The following KIAA2012 variants were observed in gnomAD, a reference collection of about 807,000 sequenced individuals.
KIAA2012 encodes the protein KIAA2012.
KIAA2012 carries 125 observed loss-of-function variants against 150.6 expected under a neutral mutation model. The ratio of observed to expected loss-of-function variants is 0.83; its 90% CI spans 0.72 to 0.96. The LOEUF is 0.96. Among genes scored for constraint, KIAA2012 ranks in the 40% least tolerant of loss-of-function variants. KIAA2012 has a pLI of 0.00. For synonymous variants in KIAA2012, 462 were observed against 504.7 expected, an observed-to-expected ratio of 0.92 and a Z score of 1.13; for missense variants, 1,219 against 1,354.9, an observed-to-expected ratio of 0.90 and a Z score of 1.57.
At chr2:202,099,143 A>G (rs1371480381) in intron 5 of KIAA2012, among the ~76,000 whole-genome samples, 1 of 151,772 alleles carries the variant, frequency 6.6e-6, no homozygotes. Context: ...GTGTGCCACC[A>G]TGCCTGGCTA....
At chr2:202,118,814 C>T (rs1429022322) in intron 11 of KIAA2012, among the ~76,000 whole-genome samples, 2 of 152,168 alleles carry the variant, frequency 1.3e-5, no homozygotes, top group Admixed American at 6.5e-5. Flanking sequence ...GGCCTCACAG[C>T]CCACTCTGGA....
At chr2:202,146,483 T>C (rs1320777251) in intron 13 of KIAA2012, among the ~76,000 whole-genome samples, 2 of 151,866 alleles carry the variant, frequency 1.3e-5, no homozygotes, top group Non-Finnish European at 2.9e-5. Flanking sequence ...ATACAAAAAA[T>C]TAGCCAGGTG....
chr2:202,110,210 C>T (rs918753042), intron 10 of KIAA2012, among the ~76,000 whole-genome samples: 20 of 152,298 alleles, frequency 1.3e-4, no homozygotes, highest in African/African-American at 4.8e-4. Context: ...CAGGGCAGAG[C>T]CTGTTCACAG....
rs551698846 is a variant in KIAA2012, at chr2:202,095,848, T to C, written c.686-1587T>C. On this transcript the variant is annotated intron_variant, in intron 4 of 23. Coordinates refer to ENST00000498697, the MANE Select transcript of KIAA2012 (RefSeq NM_001277372.4). ...ACTGTAATCCCAACACTTTGGTAGGTTGAGGCGGGTGGATCACTTGAGGTC... is the reference window on the plus strand; with the variant it reads ...ACTGTAATCCCAACACTTTGGTAGGCTGAGGCGGGTGGATCACTTGAGGTC... 4.6e-5 allele frequency among the ~76,000 whole-genome samples: 7 copies of C among 152,140 alleles called. No individual in the cohort carries two copies. The East Asian group carries it at 9.6e-4, about 21-fold the overall frequency.
intron 19 of KIAA2012, among the ~76,000 whole-genome samples, chr2:202,192,373 C>T (rs1692338064): frequency 6.6e-6 from 1 of 151,958 alleles, no homozygotes; most frequent in Non-Finnish European, 1.5e-5. Context: ...GAACAACCTT[C>T]CATTGGAAAG....
Position 202,180,177 on chromosome 2 carries a change from A to G in KIAA2012, c.2120-4576A>G, listed in dbSNP as rs1180279365. The stretch of plus-strand genomic sequence containing the variant: ...TCCCAGCTATTCGGGAGGCTGAGGC[A>G]GGAGAATCACTTGAACCCGGGAGGC... On this transcript the variant is annotated intron_variant, in intron 15 of 23. Coordinates refer to ENST00000498697, the MANE Select transcript of KIAA2012 (RefSeq NM_001277372.4). Among the ~76,000 whole-genome samples, 4 of 151,650 alleles carry G rather than the reference A, an allele frequency of 2.6e-5. No individual in the cohort carries two copies. The East Asian group carries it at 5.9e-4, about 22-fold the overall frequency.
chr2:202,152,274 A>G (rs1285684978), intron 13 of KIAA2012, among the ~76,000 whole-genome samples: 1 of 152,296 alleles, frequency 6.6e-6, no homozygotes, highest in East Asian at 1.9e-4. Flanking sequence ...CATTCCATCA[A>G]GTTAGAATTG....
intron 8 of KIAA2012, among the ~76,000 whole-genome samples, chr2:202,105,317 T>A (rs1216936052): frequency 6.6e-6 from 1 of 152,022 alleles, no homozygotes; most frequent in Non-Finnish European, 1.5e-5. Context: ...CATGCAAGAA[T>A]CAGGTAACTG....
At chr2:202,125,552 A>G (rs1217975562) in intron 12 of KIAA2012, among the ~76,000 whole-genome samples, 4 of 152,110 alleles carry the variant, frequency 2.6e-5, no homozygotes, top group African/African-American at 9.7e-5. Flanking sequence ...GGGGAAGGAT[A>G]ATTTGCAGGG....
At chr2:202,129,276 G>A (rs563252411) in intron 12 of KIAA2012, among the ~76,000 whole-genome samples, 1 of 149,908 alleles carries the variant, frequency 6.7e-6, no homozygotes, top group African/African-American at 2.5e-5. Context: ...CTGGAGTGCA[G>A]TGGCACAATC....
rs56207993 is a variant in KIAA2012 at position 202,086,167 on chromosome 2, CAAAAAAAAAAA to C, written c.370-4594_370-4584del. 1.7e-4 allele frequency among the ~76,000 whole-genome samples: 15 copies of C among 90,130 alleles called. No homozygotes were observed. In the Admixed American group the frequency reaches 2.0e-3, roughly 12 times the overall value. The allele number at this position is 90,130 out of a possible 152,430, so 59.1% of individuals were successfully genotyped here. A position where few individuals can be genotyped will look rare whatever the true frequency, so the allele number is the denominator to read the frequency against. ...TGGGTGAAAGACCGAAACTCTGTCT[CAAAAAAAAAAA>C]AAAAAAAAGAAAGAAAGAAAAGAAA... On this transcript the variant is annotated intron_variant, in intron 2 of 23. Transcript: ENST00000498697.
intron 11 of KIAA2012, chr2:202,113,738 C>T (rs1162388341): frequency 3.2e-6 from 1 of 312,390 alleles, no homozygotes; most frequent in Non-Finnish European, 6.0e-6. Flanking sequence ...TGATAAAGTC[C>T]TTTTGGTATT....
At chr2:202,165,882 G>T (rs1407014686) in intron 15 of KIAA2012, among the ~76,000 whole-genome samples, 2 of 152,166 alleles carry the variant, frequency 1.3e-5, no homozygotes, top group African/African-American at 2.4e-5. Flanking sequence ...GGGGATACCA[G>T]ACAACAATAT....
At chr2:202,112,763 A>T (rs899045328) in intron 10 of KIAA2012, among the ~76,000 whole-genome samples, 1 of 152,190 alleles carries the variant, frequency 6.6e-6, no homozygotes, top group African/African-American at 2.4e-5. Flanking sequence ...TGGGGAATAA[A>T]TGACTTGTTT....
At chr2:202,156,191 T>C (rs955227191) in intron 14 of KIAA2012, among the ~76,000 whole-genome samples, 2 of 151,762 alleles carry the variant, frequency 1.3e-5, no homozygotes, top group African/African-American at 4.8e-5. Context: ...GGCAACATAG[T>C]GAGACCCCAT....
At chr2:202,121,361 T>C (rs1690648780) in intron 11 of KIAA2012, among the ~76,000 whole-genome samples, 1 of 152,238 alleles carries the variant, frequency 6.6e-6, no homozygotes, top group African/African-American at 2.4e-5. Context: ...ATACTTCACA[T>C]TACTTTGTGA....
intron 2 of KIAA2012, among the ~76,000 whole-genome samples, chr2:202,077,712 C>T (rs1202237683): frequency 1.3e-5 from 2 of 152,172 alleles, no homozygotes; most frequent in African/African-American, 4.8e-5. Context: ...TGCCTCACAC[C>T]TGTAATCCAG....
At chr2:202,109,523 G>A (rs1661333851) in intron 9 of KIAA2012, 90 bp from the exon 10 acceptor site, 1 of 1,137,760 alleles carries the variant, frequency 8.8e-7, no homozygotes, top group Admixed American at 2.9e-5. Context: ...TTCACACAGA[G>A]GTCCTTCAAC....
At chr2:202,149,576 T>C (rs1479853599) in intron 13 of KIAA2012, among the ~76,000 whole-genome samples, 1 of 152,200 alleles carries the variant, frequency 6.6e-6, no homozygotes, top group African/African-American at 2.4e-5. Context: ...AGTGAGAGTG[T>C]TGCAGCCTCC....
Sources: gnomAD v4.1 joint callset for allele counts (sites outside exome capture counted in the v4.1 genomes callset) on GRCh38, gnomAD v4.1.1 for gene constraint, MANE v1.5 for transcripts, NCBI Gene and HGNC (gene_info 2026-07-23, HGNC 2026-07-21) for gene names.